GATB: variants seen among roughly 807,000 people sequenced by gnomAD.
The protein encoded by GATB is glutamyl-tRNA amidotransferase subunit B.
A neutral mutation model predicts 62.3 loss-of-function variants in GATB; 39 were observed. The ratio of observed to expected loss-of-function variants is 0.63; its 90% CI spans 0.48 to 0.82. GATB has a LOEUF of 0.82. Among genes scored for constraint, GATB ranks in the 40% least tolerant of loss-of-function variants. The probability of loss-of-function intolerance (pLI) is 0.00; values close to 1 mark genes in which losing one functional copy is unlikely to be tolerated. For missense variants in GATB, 670 were observed against 684.0 expected (o/e 0.98, Z 0.23); for synonymous variants, 276 against 258.9 (o/e 1.07, Z -0.63).
chr4:151,679,507 C>T (rs1296315086), intron 11 of GATB, among the ~76,000 whole-genome samples: 2 of 151,992 alleles, frequency 1.3e-5, no homozygotes, highest in Non-Finnish European at 2.9e-5. Context: ...GCCTTGGGCA[C>T]GAGGGAAAGT....
intron 2 of GATB, among the ~76,000 whole-genome samples, chr4:151,740,914 GT>G (rs199937142): frequency 5.4e-5 from 8 of 149,122 alleles, no homozygotes; most frequent in Non-Finnish European, 9.0e-5. Flanking sequence ...ACACTGTTAG[GT>G]TTTTTTTTTG....
At chr4:151,735,736 G>GTATATATATATATATATATATATA (rs137893198) in intron 2 of GATB, among the ~76,000 whole-genome samples, 5 of 104,060 alleles carry the variant, frequency 4.8e-5, no homozygotes, top group African/African-American at 1.7e-4. Flanking sequence ...AAACTGTGGT[G>GTATATATATATATATATATATATA]TATATATATA....
At chr4:151,746,654 C>A (rs144574091) in intron 2 of GATB, among the ~76,000 whole-genome samples, 1 of 152,054 alleles carries the variant, frequency 6.6e-6, no homozygotes, top group African/African-American at 2.4e-5. Context: ...TTTTCATCCT[C>A]AAGATTTATG....
intron 10 of GATB, among the ~76,000 whole-genome samples, chr4:151,687,827 C>CA (rs2126960461): frequency 1.3e-5 from 2 of 152,326 alleles, no homozygotes; most frequent in South Asian, 4.2e-4. Flanking sequence ...AGGAATGCAT[C>CA]AGCTGGCACC....
At chr4:151,734,470 C>A (rs1357448028) in intron 2 of GATB, among the ~76,000 whole-genome samples, 1 of 152,120 alleles carries the variant, frequency 6.6e-6, no homozygotes, top group Non-Finnish European at 1.5e-5. Context: ...AGAAACACAT[C>A]CCATGTTCAC....
intron 9 of GATB, among the ~76,000 whole-genome samples, chr4:151,699,694 A>C (rs959157973): frequency 3.3e-5 from 5 of 152,202 alleles, no homozygotes; most frequent in Non-Finnish European, 7.3e-5. Flanking sequence ...GGGGGCACAG[A>C]TTCTCATACA....
At chr4:151,755,903 T>C (rs1739817233) in intron 2 of GATB, among the ~76,000 whole-genome samples, 1 of 152,208 alleles carries the variant, frequency 6.6e-6, no homozygotes. Context: ...TTATGAATCA[T>C]TCAGATGGAA....
intron 1 of GATB, among the ~76,000 whole-genome samples, chr4:151,760,262 C>T (rs963890880): frequency 1.3e-5 from 2 of 152,186 alleles, no homozygotes; most frequent in African/African-American, 2.4e-5. Context: ...CAAAACTCTC[C>T]ATATAACCAG....
chr4:151,731,802 C>A (rs1211298664), intron 2 of GATB, among the ~76,000 whole-genome samples: 4 of 151,844 alleles, frequency 2.6e-5, no homozygotes, highest in African/African-American at 9.7e-5. Context: ...CTCTGCCCGG[C>A]CGCCCCGTCT....
chr4:151,731,273 C>T (rs1027430267), intron 2 of GATB, among the ~76,000 whole-genome samples: 1 of 152,236 alleles, frequency 6.6e-6, no homozygotes, highest in Non-Finnish European at 1.5e-5. Flanking sequence ...CGCCGCCACG[C>T]CTGACTGGTT....
chr4:151,698,044 G>C (rs1345014228), intron 9 of GATB, among the ~76,000 whole-genome samples: 1 of 144,358 alleles, frequency 6.9e-6, no homozygotes, highest in African/African-American at 2.6e-5. Flanking sequence ...TAGCTAAATA[G>C]GTTGAAGTTT....
intron 2 of GATB, among the ~76,000 whole-genome samples, chr4:151,756,888 G>T (rs1216001335): frequency 1.3e-5 from 2 of 152,142 alleles, no homozygotes; most frequent in Non-Finnish European, 2.9e-5. Flanking sequence ...TTTCTAAAGT[G>T]AACTGTAATA....
At chr4:151,751,612 C>A (rs1416836203) in intron 2 of GATB, among the ~76,000 whole-genome samples, 1 of 152,212 alleles carries the variant, frequency 6.6e-6, no homozygotes, top group Non-Finnish European at 1.5e-5. Context: ...GAATTTAGTT[C>A]TTTTCCCAAT....
intron 10 of GATB, among the ~76,000 whole-genome samples, chr4:151,685,822 C>T (rs935904401): frequency 6.6e-6 from 1 of 152,208 alleles, no homozygotes; most frequent in African/African-American, 2.4e-5. Flanking sequence ...CCAAGGCGGG[C>T]TGATCACTTG....
intron 2 of GATB, among the ~76,000 whole-genome samples, chr4:151,742,590 G>T (rs894381606): frequency 6.6e-6 from 1 of 152,208 alleles, no homozygotes; most frequent in Non-Finnish European, 1.5e-5. Context: ...TCTGCCCTAA[G>T]AATTGATAGT....
intron 3 of GATB, among the ~76,000 whole-genome samples, chr4:151,717,670 C>T (rs1414535520): frequency 1.3e-5 from 2 of 152,180 alleles, no homozygotes; most frequent in East Asian, 3.8e-4. Context: ...TAATGGAAGG[C>T]ACATGGTACT....
chr4:151,677,431 G>A (rs926918364), intron 11 of GATB: 1 of 152,112 alleles, frequency 6.6e-6, no homozygotes, highest in African/African-American at 2.4e-5. Context: ...CACACTAACA[G>A]GTGAGACTGT....
Position 151,701,381 on chromosome 4 carries a change from T to C in GATB, c.1145A>G (p.Glu382Gly), listed in dbSNP as rs148150389. ...CATCCCATACTGTTGGACAAGCTTC[T>C]CTCGGGTCACACTGGGGAGCTCCGG... ...TLPELPSVTREKLVQQYGMLL... is the reference protein window; with the variant it reads ...TLPELPSVTRGKLVQQYGMLL... Residue 382 changes from glutamate to glycine, a missense_variant, in exon 9 of 13, where the codon GAG becomes GGG. Glu to Gly is a moderately conservative substitution (Grantham distance 98). Coordinates refer to ENST00000263985, the MANE Select transcript of GATB (RefSeq NM_004564.3). The C allele has an allele frequency of 4.4e-4, 704 of 1,598,702 alleles. No individual in the cohort carries two copies. The African/African-American group carries it at 8.0e-3, about 18-fold the overall frequency.
intron 8 of GATB, among the ~76,000 whole-genome samples, chr4:151,702,868 T>G (rs1233564550): frequency 6.6e-6 from 1 of 152,140 alleles, no homozygotes; most frequent in African/African-American, 2.4e-5. Context: ...ACGCTACCCA[T>G]CGGCTCACTG....
Sources: allele counts gnomAD v4.1 joint callset (sites outside exome capture counted in the v4.1 genomes callset), GRCh38; gene constraint gnomAD v4.1.1; transcripts MANE v1.5; gene names NCBI Gene and HGNC (gene_info 2026-07-23, HGNC 2026-07-21).